SV2B: variants seen among roughly 807,000 people sequenced by gnomAD.
SV2B encodes solute carrier family 22 member B2.
In SV2B, 41 loss-of-function variants were observed where a neutral mutation model predicts 73.9. The observed-to-expected ratio is 0.56, with a 90% CI of 0.43 to 0.72. The LOEUF is 0.72. Ranked by LOEUF, SV2B falls within the 30% of genes least tolerant of loss-of-function variation. SV2B has a pLI of 0.00. For missense variants in SV2B, 764 were observed against 857.8 expected, an observed-to-expected ratio of 0.89 and a Z score of 1.37; for synonymous variants, 314 against 314.2, an observed-to-expected ratio of 1.00 and a Z score of 0.01.
In SV2B at chr15:91,261,044, T is replaced by G. The variant is rs2047893752; in HGVS notation, c.1008+635T>G. On this transcript the variant is annotated intron_variant, in intron 6 of 12. Transcript: ENST00000394232. This position sits in a 1 kb window ranked among gnomAD's most constrained non-coding sequence, Gnocchi z 4.7. Reference sequence around the variant, plus strand: ...CAGAGGCCGAGGCTGGCAGATCACTTGAAGTCAGGGGTTCAAGACCAGCCT... The same window carrying G: ...CAGAGGCCGAGGCTGGCAGATCACTGGAAGTCAGGGGTTCAAGACCAGCCT... Among the ~76,000 whole-genome samples the G allele has an allele frequency of 6.6e-6, 1 of 152,196 alleles. No individual in the cohort carries two copies. Among genetic ancestry groups the G allele is most frequent in the African/African-American group, 2.4e-5 (1 of 41,434 alleles).
intron 4 of SV2B, among the ~76,000 whole-genome samples, chr15:91,256,670 A>C (rs2047703983): frequency 6.6e-6 from 1 of 152,230 alleles, no homozygotes; most frequent in Non-Finnish European, 1.5e-5. Context: ...TAAGAGACCA[A>C]GCTGTGCAAA....
Position 91,137,659 on chromosome 15 carries a change from A to G in SV2B, c.-392+37296A>G, listed in dbSNP as rs1344971960. 6.8e-6 allele frequency among the ~76,000 whole-genome samples: 1 copy of G among 148,118 alleles called. No individual in the cohort carries two copies. The highest frequency in any genetic ancestry group is 1.5e-5 in the Non-Finnish European group (1 of 67,268). On this transcript the variant is annotated intron_variant, in intron 1 of 12. Transcript: ENST00000394232. This position sits in a 1 kb window ranked among gnomAD's most constrained non-coding sequence, Gnocchi z 4.9. ...TTTCATATATACATATATATTTCATATATACATATATTTCATATATATATA... is the reference window on the plus strand; with the variant it reads ...TTTCATATATACATATATATTTCATGTATACATATATTTCATATATATATA...
chr15:91,175,016 A>G (rs920402982), intron 1 of SV2B, among the ~76,000 whole-genome samples: 1 of 152,230 alleles, frequency 6.6e-6, no homozygotes, highest in Non-Finnish European at 1.5e-5. Flanking sequence ...TCAGCCCTGC[A>G]GCTATGTCGC....
At chr15:91,210,525 C>T (rs920246682) in intron 1 of SV2B, among the ~76,000 whole-genome samples, 2 of 152,072 alleles carry the variant, frequency 1.3e-5, no homozygotes, top group African/African-American at 4.8e-5. Context: ...GTTTTTCTAG[C>T]CTGCCAGCTG....
In SV2B at chr15:91,106,408, C is replaced by T. The variant is rs1283537840; in HGVS notation, c.-392+6045C>T. Among the ~76,000 whole-genome samples the T allele has an allele frequency of 6.6e-6, 1 of 152,192 alleles. No individual in the cohort carries two copies. The highest frequency in any genetic ancestry group is 1.9e-4 in the East Asian group (1 of 5,202). On this transcript the variant is annotated intron_variant, in intron 1 of 12. Transcript: ENST00000394232. This position sits in a 1 kb window ranked among gnomAD's most constrained non-coding sequence, Gnocchi z 4.4. ...TATTGTCTGGCACATTGTATATCCT[C>T]AATGGATATGTACTGAATGAGTGAA...
intron 1 of SV2B, among the ~76,000 whole-genome samples, chr15:91,176,055 A>C (rs2044295397): frequency 6.7e-6 from 1 of 149,166 alleles, no homozygotes. Context: ...CCACCCCACA[A>C]CAGTCCCCAG....
rs1358163455 is a variant in SV2B, at chr15:91,129,277, A to G, written c.-392+28914A>G. ...AGTTAGAGTCAAGTGGGTTGAATACATGTGCATTTGCATGTATTTGCATTT... is the reference window on the plus strand; with the variant it reads ...AGTTAGAGTCAAGTGGGTTGAATACGTGTGCATTTGCATGTATTTGCATTT... On this transcript the variant is annotated intron_variant, in intron 1 of 12. Coordinates refer to ENST00000394232, the MANE Select transcript of SV2B (RefSeq NM_001323032.3). The surrounding 1 kb of genome is among the most constrained non-coding windows in gnomAD (Gnocchi z 5.1). 1.3e-5 allele frequency among the ~76,000 whole-genome samples: 2 copies of G among 152,226 alleles called. No individual in the cohort carries two copies. Among genetic ancestry groups the G allele is most frequent in the African/African-American group, 4.8e-5 (2 of 41,450 alleles).
At chr15:91,101,777 C>T (rs113958467) in intron 1 of SV2B, 3 of 152,292 alleles carry the variant, frequency 2.0e-5, no homozygotes, top group African/African-American at 7.2e-5. Flanking sequence ...TTACAAGTCT[C>T]GGCTGGGCTG....
At chr15:91,193,419 A>G (rs556357628) in intron 1 of SV2B, among the ~76,000 whole-genome samples, 1 of 152,160 alleles carries the variant, frequency 6.6e-6, no homozygotes, top group African/African-American at 2.4e-5. Flanking sequence ...AAAAAAAAAC[A>G]AAAACAAAAA....
In SV2B at chr15:91,261,257, T is replaced by C. The variant is rs1005883692; in HGVS notation, c.1008+848T>C. 3.4e-5 allele frequency among the ~76,000 whole-genome samples: 4 copies of C among 119,174 alleles called. No homozygotes were observed. The highest frequency in any genetic ancestry group is 2.9e-4 in the Admixed American group (4 of 13,776). 78.2% of individuals were successfully genotyped at this position (119,174 alleles called of 152,430 possible). ...CAGCCTGGGCAACAGAGCAGGACTGTGTCTGAAAAAAAAAGATAACAGAAA... is the reference window on the plus strand; with the variant it reads ...CAGCCTGGGCAACAGAGCAGGACTGCGTCTGAAAAAAAAAGATAACAGAAA... On this transcript the variant is annotated intron_variant, in intron 6 of 12. Transcript: ENST00000394232. This position sits in a 1 kb window ranked among gnomAD's most constrained non-coding sequence, Gnocchi z 4.7.
Position 91,268,642 on chromosome 15 carries a change from T to G in SV2B, c.1373+37T>G. 1.9e-6 allele frequency: 3 copies of G among 1,596,232 alleles called. No individual in the cohort carries two copies. Among genetic ancestry groups the G allele is most frequent in the Non-Finnish European group, 2.6e-6 (3 of 1,166,610 alleles). On this transcript the variant is annotated intron_variant, in intron 9 of 12. Coordinates refer to ENST00000394232, the MANE Select transcript of SV2B (RefSeq NM_001323032.3). This position sits in a 1 kb window ranked among gnomAD's most constrained non-coding sequence, Gnocchi z 4.4. ...ATCACGGGCTTCCCTCACATCAGGGTGACAGTCGTGGGGACTGTTATTGGG... is the reference window on the plus strand; with the variant it reads ...ATCACGGGCTTCCCTCACATCAGGGGGACAGTCGTGGGGACTGTTATTGGG...
Position 91,128,477 on chromosome 15 carries a change from T to G in SV2B, c.-392+28114T>G, listed in dbSNP as rs2042550667. ...TGCTATTGGCGCTCAGAAAACAATA[T>G]CCAAAAATGAAGGCCTCAGAAGCGA... is the stretch of plus-strand genomic sequence containing the variant. On this transcript the variant is annotated intron_variant, in intron 1 of 12. Coordinates refer to ENST00000394232, the MANE Select transcript of SV2B (RefSeq NM_001323032.3). The surrounding 1 kb of genome is among the most constrained non-coding windows in gnomAD (Gnocchi z 4.2). Among the ~76,000 whole-genome samples, 1 of 152,034 alleles carries G rather than the reference T, an allele frequency of 6.6e-6. No homozygotes were observed. Among genetic ancestry groups the G allele is most frequent in the Non-Finnish European group, 1.5e-5 (1 of 68,024 alleles).
intron 1 of SV2B, among the ~76,000 whole-genome samples, chr15:91,173,411 C>A (rs2044193416): frequency 6.6e-6 from 1 of 152,162 alleles, no homozygotes; most frequent in Non-Finnish European, 1.5e-5. Context: ...AGGGTCTGAT[C>A]TTACCAGGTT....
At chr15:91,112,498 G>A (rs534624663) in intron 1 of SV2B, among the ~76,000 whole-genome samples, 1 of 152,306 alleles carries the variant, frequency 6.6e-6, no homozygotes, top group South Asian at 2.1e-4. Flanking sequence ...CAGAGAGCAT[G>A]GAAAGCATTT....
chr15:91,185,701 A>C (rs1251298643), intron 1 of SV2B, among the ~76,000 whole-genome samples: 1 of 152,206 alleles, frequency 6.6e-6, no homozygotes, highest in Non-Finnish European at 1.5e-5. Context: ...GGATGATGAT[A>C]ATGGCTGGCA....
rs1182699017 is a variant in SV2B at position 91,290,637 on chromosome 15, G to A, written c.1868+957G>A. On this transcript the variant is annotated intron_variant, in intron 12 of 12. Transcript: ENST00000394232. The surrounding 1 kb of genome is among the most constrained non-coding windows in gnomAD (Gnocchi z 4.7). ...TGCAATTGATATCCATTTAATAATG[G>A]CAGACGTCATAAAATAATTAGGGAT... Among the ~76,000 whole-genome samples the A allele has an allele frequency of 6.6e-6, 1 of 152,036 alleles. No homozygotes were observed.
chr15:91,126,969 A>G (rs1034334143), intron 1 of SV2B, among the ~76,000 whole-genome samples: 1 of 152,222 alleles, frequency 6.6e-6, no homozygotes, highest in African/African-American at 2.4e-5. Flanking sequence ...CACTCTCACC[A>G]CTTCAACATT....
chr15:91,228,696 T>C (rs1046359021), intron 2 of SV2B, among the ~76,000 whole-genome samples: 30 of 152,318 alleles, frequency 2.0e-4, no homozygotes, highest in African/African-American at 7.0e-4. Context: ...TCCAGGTTTT[T>C]GTAATTTTGC....
chr15:91,182,535 G>A (rs190753880), intron 1 of SV2B, among the ~76,000 whole-genome samples: 100 of 152,298 alleles, frequency 6.6e-4, no homozygotes, highest in Non-Finnish European at 9.3e-4. Flanking sequence ...AAGTTCCTGA[G>A]CTTGATTCTC....
Sources: gnomAD v4.1 joint callset for allele counts (sites outside exome capture counted in the v4.1 genomes callset) on GRCh38, gnomAD v4.1.1 for gene constraint, Gnocchi (gnomAD v3.1) non-coding constraint, MANE v1.5 for transcripts, NCBI Gene and HGNC (gene_info 2026-07-23, HGNC 2026-07-21) for gene names.